WDPCP: variants seen among roughly 807,000 people sequenced by gnomAD.
The protein encoded by WDPCP is WD repeat containing planar cell polarity effector.
Under a neutral mutation model 93.1 loss-of-function variants are expected in WDPCP, and 71 were observed. The ratio of observed to expected loss-of-function variants is 0.76; its 90% CI spans 0.63 to 0.93. The LOEUF is 0.93. Among genes scored for constraint, WDPCP ranks in the 40% least tolerant of loss-of-function variants. The pLI, the probability that WDPCP is intolerant of heterozygous loss-of-function variation, is 0.00. For synonymous variants in WDPCP, 315 were observed against 315.0 expected (o/e 1.00, Z 0.00); for missense variants, 844 against 887.4 (o/e 0.95, Z 0.62).
At chr2:63,367,506 C>A (rs1320871673) in intron 12 of WDPCP, among the ~76,000 whole-genome samples, 2 of 152,008 alleles carry the variant, frequency 1.3e-5, no homozygotes, top group Admixed American at 1.3e-4. Flanking sequence ...TATACACACA[C>A]AAATACAACG....
At chr2:63,150,909 A>T (rs1671846106) in intron 17 of WDPCP, among the ~76,000 whole-genome samples, 1 of 152,208 alleles carries the variant, frequency 6.6e-6, no homozygotes, top group South Asian at 2.1e-4. Flanking sequence ...AAACAATGAC[A>T]GCCTGTTATA....
intron 2 of WDPCP, among the ~76,000 whole-genome samples, chr2:63,651,856 C>T (rs1575739121): frequency 6.6e-6 from 1 of 152,194 alleles, no homozygotes; most frequent in East Asian, 1.9e-4. Flanking sequence ...GGTATCTGAG[C>T]TTAACCTTGA....
At chr2:63,524,698 G>A (rs1703191543) in intron 1 of WDPCP, among the ~76,000 whole-genome samples, 1 of 152,148 alleles carries the variant, frequency 6.6e-6, no homozygotes, top group Non-Finnish European at 1.5e-5. Flanking sequence ...ACTTCGCAAA[G>A]ATTTCATGAT....
At chr2:63,236,758 G>A (rs1559233956) in intron 14 of WDPCP, among the ~76,000 whole-genome samples, 1 of 152,076 alleles carries the variant, frequency 6.6e-6, no homozygotes, top group Non-Finnish European at 1.5e-5. Context: ...AATGATGCTG[G>A]GAAAATAGGC....
chr2:63,370,124 T>A (rs539155425), intron 12 of WDPCP, among the ~76,000 whole-genome samples: 2 of 152,318 alleles, frequency 1.3e-5, no homozygotes, highest in Admixed American at 1.3e-4. Context: ...CTTAATTTAC[T>A]GATTAGTATA....
At chr2:63,345,040 G>A (rs1470673456) in intron 12 of WDPCP, among the ~76,000 whole-genome samples, 2 of 152,100 alleles carry the variant, frequency 1.3e-5, no homozygotes, top group Non-Finnish European at 1.5e-5. Context: ...GATTCTGTCA[G>A]TTTTTGCCTA....
At chr2:63,724,035 C>T (rs1056675230) in intron 2 of WDPCP, among the ~76,000 whole-genome samples, 2 of 152,216 alleles carry the variant, frequency 1.3e-5, no homozygotes, top group African/African-American at 4.8e-5. Context: ...TAACAACCTA[C>T]ACATCTAGCA....
intron 3 of WDPCP, chr2:63,594,420 A>G: frequency 8.6e-7 from 1 of 1,161,606 alleles, no homozygotes; most frequent in South Asian, 1.2e-5. Context: ...CTTACTATAG[A>G]TTAAAATCCT....
intron 2 of WDPCP, among the ~76,000 whole-genome samples, chr2:63,734,906 C>CAGATAGAT (rs375086600): frequency 4.7e-5 from 7 of 147,882 alleles, no homozygotes; most frequent in Non-Finnish European, 6.0e-5. Flanking sequence ...GACAGACAGA[C>CAGATAGAT]AGATAGATAG....
chr2:63,593,051 A>G (rs1709229786), upstream of WDPCP: 1 of 152,282 alleles, frequency 6.6e-6, no homozygotes, highest in Admixed American at 6.5e-5. Context: ...GGCTATGATC[A>G]AATTCATTTC....
chr2:63,182,909 T>C (rs1236753691), intron 14 of WDPCP, among the ~76,000 whole-genome samples: 2 of 151,976 alleles, frequency 1.3e-5, no homozygotes, highest in East Asian at 3.9e-4. Flanking sequence ...ATATGTCTTC[T>C]AGATTTTCTA....
At chr2:63,629,970 A>G (rs895844101) in intron 3 of WDPCP, among the ~76,000 whole-genome samples, 1 of 152,266 alleles carries the variant, frequency 6.6e-6, no homozygotes, top group Admixed American at 6.5e-5. Flanking sequence ...GCCAATACTG[A>G]GATGACAGAA....
chr2:63,163,204 CTT>C (rs1672747726), intron 15 of WDPCP, among the ~76,000 whole-genome samples: 1 of 152,154 alleles, frequency 6.6e-6, no homozygotes, highest in African/African-American at 2.4e-5. Flanking sequence ...CTCCCATTGT[CTT>C]TCTCACATTA....
At chr2:63,338,378 C>T (rs1688543613) in intron 12 of WDPCP, among the ~76,000 whole-genome samples, 2 of 151,184 alleles carry the variant, frequency 1.3e-5, no homozygotes, top group Admixed American at 6.6e-5. Flanking sequence ...ATGGTGAAAC[C>T]CCGTCTCTAT....
At chr2:63,818,242 A>T (rs374088697) in intron 1 of WDPCP, among the ~76,000 whole-genome samples, 1 of 152,248 alleles carries the variant, frequency 6.6e-6, no homozygotes, top group African/African-American at 2.4e-5. Context: ...TCTTGCAGAC[A>T]TAATTATTAA....
chr2:63,786,453 C>T (rs1182533789), intron 2 of WDPCP, among the ~76,000 whole-genome samples: 1 of 152,058 alleles, frequency 6.6e-6, no homozygotes, highest in Non-Finnish European at 1.5e-5. Context: ...CATTTTAGTC[C>T]AAAGCTACAG....
At chr2:63,520,812 C>T (rs1702866162) in intron 1 of WDPCP, among the ~76,000 whole-genome samples, 1 of 149,182 alleles carries the variant, frequency 6.7e-6, no homozygotes, top group Non-Finnish European at 1.5e-5. Context: ...GGGAGGATCA[C>T]ATGAGCCTGG....
chr2:63,191,209 G>A (rs933541525), intron 14 of WDPCP, among the ~76,000 whole-genome samples: 1 of 152,118 alleles, frequency 6.6e-6, no homozygotes, highest in South Asian at 2.1e-4. Flanking sequence ...TGGATAACAC[G>A]GTGAAACCCT....
chr2:63,122,101 T>C (rs1669581801), intron 17 of WDPCP, 45 bp from the exon 18 acceptor site: 1 of 1,419,904 alleles, frequency 7.0e-7, no homozygotes, highest in Admixed American at 1.7e-5. Flanking sequence ...GAGTAAAAAG[T>C]AATTGACTTA....
Sources: allele counts gnomAD v4.1 joint callset (sites outside exome capture counted in the v4.1 genomes callset), GRCh38; gene constraint gnomAD v4.1.1; transcripts MANE v1.5; gene names NCBI Gene and HGNC (gene_info 2026-07-23, HGNC 2026-07-21).